HDAC9: variants seen among roughly 807,000 people sequenced by gnomAD.
HDAC9 encodes the protein histone deacetylase 9.
In HDAC9, 41 loss-of-function variants were observed where a neutral mutation model predicts 139.4. The observed-to-expected ratio is 0.29, with a 90% CI of 0.23 to 0.38. The LOEUF (loss-of-function observed/expected upper bound fraction) is 0.38, where lower values mean the gene tolerates loss of function less well. Among genes scored for constraint, HDAC9 ranks in the 10% least tolerant of loss-of-function variants. The pLI is 1.00. For synonymous variants in HDAC9, 517 were observed against 476.2 expected (o/e 1.09, Z -1.12); for missense variants, 1,147 against 1,297.0 (o/e 0.88, Z 1.78).
chr7:18,638,649 A>AT (rs1403243439), intron 8 of HDAC9, among the ~76,000 whole-genome samples: 1 of 152,040 alleles, frequency 6.6e-6, no homozygotes, highest in African/African-American at 2.4e-5. Flanking sequence ...GAACAAGTTC[A>AT]TTTTTTGTTG....
intron 22 of HDAC9, among the ~76,000 whole-genome samples, chr7:18,894,393 G>C (rs1800981897): frequency 6.6e-6 from 1 of 152,046 alleles, no homozygotes; most frequent in Admixed American, 6.6e-5. Context: ...AGAGTGTGCT[G>C]TCCTGTAGCC....
In HDAC9 at chr7:18,320,008, G is replaced by A. The variant is rs76327790; in HGVS notation, c.-42+29493G>A. 6.6e-5 allele frequency among the ~76,000 whole-genome samples: 10 copies of A among 152,306 alleles called. No individual in the cohort carries two copies. The East Asian group carries it at 1.7e-3, about 26-fold the overall frequency. On this transcript the variant is annotated intron_variant, in intron 1 of 3. Coordinates refer to the HDAC9 transcript ENST00000413509. The stretch of plus-strand genomic sequence containing the variant: ...TGTTAACCTTAACAATTCACAAGGG[G>A]TGGTGGGAACTAAAGATTTTTTTTC...
Position 18,548,232 on chromosome 7 carries a change from C to T in HDAC9, c.23-37049C>T, listed in dbSNP as rs920762243. 1.3e-4 allele frequency among the ~76,000 whole-genome samples: 19 copies of T among 151,996 alleles called. No homozygotes were observed. The East Asian group carries it at 3.5e-3, about 28-fold the overall frequency. On this transcript the variant is annotated intron_variant, in intron 2 of 25. Coordinates refer to ENST00000686413, the MANE Select transcript of HDAC9 (RefSeq NM_178425.4). ...CACAACATTTACAGATTAAGTTCGC[C>T]GTCTTATATGGGTGTGGTTCGTGGT...
At chr7:18,649,476 A>G (rs991517128) in intron 11 of HDAC9, among the ~76,000 whole-genome samples, 22 of 152,102 alleles carry the variant, frequency 1.4e-4, no homozygotes, top group Admixed American at 1.4e-3. Flanking sequence ...TTAAAATTCT[A>G]TTCCCTTGCC....
At chr7:18,961,858 G>C (rs1388754901) in intron 24 of HDAC9, among the ~76,000 whole-genome samples, 1 of 152,160 alleles carries the variant, frequency 6.6e-6, no homozygotes, top group Non-Finnish European at 1.5e-5. Flanking sequence ...TCTAGATCCA[G>C]TCTTCCCTCT....
intron 1 of HDAC9, among the ~76,000 whole-genome samples, chr7:18,336,952 C>T (rs1398897262): frequency 1.3e-5 from 2 of 151,368 alleles, no homozygotes; most frequent in Non-Finnish European, 3.0e-5. Context: ...TTTAAAGAAG[C>T]GTATAATTAA....
chr7:18,521,311 A>G (rs1804945129), intron 2 of HDAC9, among the ~76,000 whole-genome samples: 1 of 152,164 alleles, frequency 6.6e-6, no homozygotes. Context: ...GTTAGATGAG[A>G]TGTTTAATTT....
intron 22 of HDAC9, among the ~76,000 whole-genome samples, chr7:18,918,678 C>T (rs758354001): frequency 5.3e-5 from 8 of 151,922 alleles, no homozygotes; most frequent in African/African-American, 9.7e-5. Context: ...ACAGTTTGAC[C>T]GCATAGCTCT....
chr7:18,290,294 G>T, upstream of HDAC9: 1 of 353,610 alleles, frequency 2.8e-6, no homozygotes, highest in South Asian at 2.2e-5. Flanking sequence ...TTATAAAGTC[G>T]TTCAGTAGCA....
chr7:18,472,606 G>T (rs1358012974), intron 1 of HDAC9, among the ~76,000 whole-genome samples: 1 of 152,180 alleles, frequency 6.6e-6, no homozygotes, highest in Non-Finnish European at 1.5e-5. Flanking sequence ...TCTGCGTGAA[G>T]CGGGCCTTCC....
chr7:18,406,127 AATTC>A (rs2128739518), intron 1 of HDAC9, among the ~76,000 whole-genome samples: 1 of 152,348 alleles, frequency 6.6e-6, no homozygotes, highest in Non-Finnish European at 1.5e-5. Flanking sequence ...AAATACTGAT[AATTC>A]AGCTAGTATA....
At chr7:18,201,601 C>T (rs1006379783) in intron 2 of HDAC9, among the ~76,000 whole-genome samples, 1 of 152,152 alleles carries the variant, frequency 6.6e-6, no homozygotes, top group African/African-American at 2.4e-5. Context: ...GAACCAAGGG[C>T]CTCCTGCCAA....
chr7:18,641,686 A>G (rs184046237), intron 8 of HDAC9, among the ~76,000 whole-genome samples: 1 of 152,230 alleles, frequency 6.6e-6, no homozygotes, highest in East Asian at 1.9e-4. Flanking sequence ...GGGCTGGGCC[A>G]GATTCAAAAC....
At chr7:18,422,761 C>T (rs992366748) in intron 1 of HDAC9, among the ~76,000 whole-genome samples, 2 of 151,840 alleles carry the variant, frequency 1.3e-5, no homozygotes, top group African/African-American at 4.8e-5. Context: ...CACACACACA[C>T]ACACACACAC....
chr7:18,912,859 A>T (rs1802859630), intron 22 of HDAC9, among the ~76,000 whole-genome samples: 2 of 152,096 alleles, frequency 1.3e-5, no homozygotes, highest in Admixed American at 1.3e-4. Flanking sequence ...AAGGTTTGAG[A>T]GGTAGGTATT....
intron 1 of HDAC9, among the ~76,000 whole-genome samples, chr7:18,442,779 T>C (rs918572761): frequency 4.6e-5 from 7 of 152,336 alleles, no homozygotes; most frequent in South Asian, 2.1e-4. Flanking sequence ...AGTGGTTGGA[T>C]AGTCAAGATA....
At chr7:18,144,040 G>T (rs1786108814) in intron 1 of HDAC9, among the ~76,000 whole-genome samples, 1 of 152,018 alleles carries the variant, frequency 6.6e-6, no homozygotes, top group Non-Finnish European at 1.5e-5. Flanking sequence ...CTATCTACAT[G>T]TCACACCTGG....
At chr7:18,353,507 G>A (rs1276289654) in intron 1 of HDAC9, among the ~76,000 whole-genome samples, 1 of 152,132 alleles carries the variant, frequency 6.6e-6, no homozygotes, top group Non-Finnish European at 1.5e-5. Context: ...GTGCCTCTGA[G>A]GATAGTTATT....
intron 6 of HDAC9, among the ~76,000 whole-genome samples, chr7:18,613,072 AATAG>A (rs1402678984): frequency 2.0e-5 from 3 of 148,292 alleles, no homozygotes; most frequent in Admixed American, 6.8e-5. Flanking sequence ...TAGACTGAAT[AATAG>A]ATATATTTAT....
Sources: allele counts gnomAD v4.1 joint callset (sites outside exome capture counted in the v4.1 genomes callset), GRCh38; gene constraint gnomAD v4.1.1; transcripts MANE v1.5; gene names NCBI Gene and HGNC (gene_info 2026-07-23, HGNC 2026-07-21).